The following CLSTN2 variants were observed in gnomAD, a reference collection of about 807,000 sequenced individuals.
CLSTN2 encodes calsyntenin-2.
Under a neutral mutation model 101.2 loss-of-function variants are expected in CLSTN2, and 48 were observed. The observed-to-expected ratio is 0.47, with a 90% CI of 0.38 to 0.60. The LOEUF (loss-of-function observed/expected upper bound fraction) is 0.60. CLSTN2 is among the 20% of genes least tolerant of loss of function. CLSTN2 has a pLI of 0.00. For synonymous variants in CLSTN2, 481 were observed against 463.6 expected (o/e 1.04, Z -0.48); for missense variants, 1,160 against 1,238.2 (o/e 0.94, Z 0.95).
At chr3:140,091,832 C>A (rs1196687480) in intron 1 of CLSTN2, among the ~76,000 whole-genome samples, 1 of 152,180 alleles carries the variant, frequency 6.6e-6, no homozygotes, top group Non-Finnish European at 1.5e-5. Context: ...TCTGTGTTCG[C>A]TTTTATTGCC....
chr3:140,466,839 C>A, intron 8 of CLSTN2, 108 bp downstream of exon 8: 1 of 1,470,004 alleles, frequency 6.8e-7, no homozygotes, highest in South Asian at 1.3e-5. Flanking sequence ...TGACCACTTG[C>A]TGAATTTTGG....
At chr3:140,246,965 TC>T (rs2086523512) in intron 2 of CLSTN2, among the ~76,000 whole-genome samples, 1 of 152,182 alleles carries the variant, frequency 6.6e-6, no homozygotes, top group Admixed American at 6.5e-5. Context: ...GGATTCTGAA[TC>T]AGGATTCCTG....
chr3:140,017,205 G>T (rs927209939), intron 1 of CLSTN2, among the ~76,000 whole-genome samples: 1 of 152,182 alleles, frequency 6.6e-6, no homozygotes, highest in Non-Finnish European at 1.5e-5. Flanking sequence ...GTGCTGGCTT[G>T]ACCTCTCAGG....
intron 2 of CLSTN2, among the ~76,000 whole-genome samples, chr3:140,386,337 C>A (rs2088051344): frequency 6.6e-6 from 1 of 152,192 alleles, no homozygotes. Flanking sequence ...CTTTGTTAAA[C>A]CCAAATGCCA....
chr3:140,239,864 T>A (rs1018003151), intron 2 of CLSTN2, among the ~76,000 whole-genome samples: 1 of 151,778 alleles, frequency 6.6e-6, no homozygotes, highest in African/African-American at 2.4e-5. Context: ...TATGTATGTA[T>A]ATATATCTGT....
rs568709426 is a variant in CLSTN2, at chr3:140,321,710, T to A, written c.233-81919T>A. On this transcript the variant is annotated intron_variant, in intron 2 of 16. Transcript: ENST00000458420. ...CGAGTTCCCCTCCTAAGAAGGCAGTTAGGAGGCATCCATGATTCCTCAGCC... is the reference window on the plus strand; with the variant it reads ...CGAGTTCCCCTCCTAAGAAGGCAGTAAGGAGGCATCCATGATTCCTCAGCC... Among the ~76,000 whole-genome samples, 8 of 152,208 alleles carry A rather than the reference T, an allele frequency of 5.3e-5. 1 individual carries two copies. In the South Asian group the frequency reaches 1.7e-3, roughly 32 times the overall value.
chr3:140,509,251 T>C (rs1934748279), intron 8 of CLSTN2, among the ~76,000 whole-genome samples: 1 of 152,156 alleles, frequency 6.6e-6, no homozygotes, highest in Non-Finnish European at 1.5e-5. Context: ...TGGTAAACGG[T>C]CTACTCTGTT....
At chr3:140,257,034 A>T (rs1196960034) in intron 2 of CLSTN2, among the ~76,000 whole-genome samples, 1 of 152,176 alleles carries the variant, frequency 6.6e-6, no homozygotes, top group East Asian at 1.9e-4. Flanking sequence ...CACGCTTGTA[A>T]TCCCAGCACT....
intron 1 of CLSTN2, among the ~76,000 whole-genome samples, chr3:140,070,070 T>A (rs1375473833): frequency 6.6e-6 from 1 of 152,218 alleles, no homozygotes. Context: ...TTGGATAGCC[T>A]GAGCAGGTCA....
chr3:140,013,019 C>G (rs2007119774), intron 1 of CLSTN2, among the ~76,000 whole-genome samples: 1 of 152,010 alleles, frequency 6.6e-6, no homozygotes, highest in African/African-American at 2.4e-5. Context: ...AGGAGGGAGC[C>G]AGAGGAAGTG....
In CLSTN2 at chr3:140,565,627, T is replaced by C. The variant is rs3913018; in HGVS notation, c.2668-426T>C. Among the ~76,000 whole-genome samples, 47 of 152,334 alleles carry C rather than the reference T, an allele frequency of 3.1e-4. 2 individuals carry two copies. In the South Asian group the frequency reaches 8.9e-3, roughly 29 times the overall value. On this transcript the variant is annotated intron_variant, in intron 16 of 16. Transcript: ENST00000458420. Reference sequence around the variant, plus strand: ...GCCTTCTGCTCCCAGGGACATTGCATGCACACTTGGAAAAGAGACACAAGA... The same window carrying C: ...GCCTTCTGCTCCCAGGGACATTGCACGCACACTTGGAAAAGAGACACAAGA...
intron 8 of CLSTN2, among the ~76,000 whole-genome samples, chr3:140,496,161 C>A (rs1934460525): frequency 6.6e-6 from 1 of 152,112 alleles, no homozygotes; most frequent in Non-Finnish European, 1.5e-5. Flanking sequence ...TTGTAGTTCT[C>A]CTTGAAGAGG....
chr3:140,478,872 G>GAGGAAGGAAGGAAGGA (rs34907334), intron 8 of CLSTN2, among the ~76,000 whole-genome samples: 17 of 141,422 alleles, frequency 1.2e-4, no homozygotes, highest in African/African-American at 3.7e-4. Context: ...AAGGGGGAAG[G>GAGGAAGGAAGGAAGGA]AGGAAGGAAG....
chr3:140,053,271 G>T (rs980135429), intron 1 of CLSTN2, among the ~76,000 whole-genome samples: 1 of 152,130 alleles, frequency 6.6e-6, no homozygotes, highest in African/African-American at 2.4e-5. Context: ...AGTGACCTTG[G>T]CCCCTTCAGC....
Position 140,163,098 on chromosome 3 carries a change from G to A in CLSTN2, c.110-12853G>A, listed in dbSNP as rs934986216. 2.0e-5 allele frequency among the ~76,000 whole-genome samples: 3 copies of A among 152,210 alleles called. No homozygotes were observed. The East Asian group carries it at 5.8e-4, about 29-fold the overall frequency. The stretch of plus-strand genomic sequence containing the variant: ...TGATTAGTTTGTGATATGTCAAATT[G>A]TCTGGGCTGTAGTACCCAGTTATTT... On this transcript the variant is annotated intron_variant, in intron 1 of 16. Coordinates refer to ENST00000458420, the MANE Select transcript of CLSTN2 (RefSeq NM_022131.3).
intron 1 of CLSTN2, among the ~76,000 whole-genome samples, chr3:140,080,186 C>T (rs1420949066): frequency 6.6e-6 from 1 of 152,158 alleles, no homozygotes; most frequent in African/African-American, 2.4e-5. Context: ...CAACATTGAA[C>T]CTCCTTCTCT....
At chr3:140,385,037 C>T (rs1406911041) in intron 2 of CLSTN2, among the ~76,000 whole-genome samples, 1 of 152,206 alleles carries the variant, frequency 6.6e-6, no homozygotes, top group Non-Finnish European at 1.5e-5. Context: ...CCTTGAACAA[C>T]TCATCCAGTT....
rs1935000820 is a variant in CLSTN2, at chr3:139,935,362, G to A, written c.-13G>A. 3.3e-6 allele frequency: 4 copies of A among 1,218,524 alleles called. No homozygotes were observed. Among genetic ancestry groups the A allele is most frequent in the Non-Finnish European group, 4.1e-6 (4 of 976,764 alleles). 75.5% of individuals were successfully genotyped at this position (1,218,524 alleles called of 1,614,324 possible). A position where few individuals can be genotyped will look rare whatever the true frequency, so the allele number is the denominator to read the frequency against. ...TAGGCGGCGGCTGCAGCTCGTTGGC[G>A]GCTGCTGCGAGGATGCTGCCTGGGC... On this transcript the variant is annotated 5_prime_UTR_variant, in exon 1 of 17. Transcript: ENST00000458420. This position sits in a 1 kb window ranked among gnomAD's most constrained non-coding sequence, Gnocchi z 5.5.
intron 4 of CLSTN2, among the ~76,000 whole-genome samples, chr3:140,419,855 A>G (rs79632331): frequency 1.2e-4 from 4 of 33,842 alleles, no homozygotes; most frequent in Admixed American, 2.3e-4. Flanking sequence ...GTATATATAT[A>G]TGTATATATA....
Sources: gnomAD v4.1 joint callset for allele counts (sites outside exome capture counted in the v4.1 genomes callset) on GRCh38, gnomAD v4.1.1 for gene constraint, Gnocchi (gnomAD v3.1) non-coding constraint, MANE v1.5 for transcripts, NCBI Gene and HGNC (gene_info 2026-07-23, HGNC 2026-07-21) for gene names.